CCNL2: variants seen among roughly 807,000 people sequenced by gnomAD.
CCNL2 encodes the protein cyclin-L2.
CCNL2 carries 28 observed loss-of-function variants against 59.1 expected under a neutral mutation model. That is an observed-to-expected ratio of 0.47 (90% CI 0.35 to 0.65). The LOEUF (loss-of-function observed/expected upper bound fraction) is 0.65, where lower values mean the gene tolerates loss of function less well. CCNL2 is among the 30% of genes least tolerant of loss of function. The pLI, the probability that CCNL2 is intolerant of heterozygous loss-of-function variation, is 0.00. For missense variants in CCNL2, 714 were observed against 717.4 expected, an observed-to-expected ratio of 1.00 and a Z score of 0.05; for synonymous variants, 342 against 288.6, an observed-to-expected ratio of 1.19 and a Z score of -1.88.
At chr1:1,396,746 ATT>A in intron 3 of CCNL2, among the ~76,000 whole-genome samples, 1 of 139,726 alleles carries the variant, frequency 7.2e-6, no homozygotes, top group South Asian at 2.3e-4. Flanking sequence ...CACCCGGCTA[ATT>A]TTTTTTTTAT....
intron 3 of CCNL2, among the ~76,000 whole-genome samples, chr1:1,397,321 G>A (rs1280617515): frequency 6.6e-6 from 1 of 152,078 alleles, no homozygotes. Flanking sequence ...TGGAAACAGG[G>A]CCTCACCCTG....
Position 1,395,381 on chromosome 1 carries a change from G to A in CCNL2, c.594+13C>T. On this transcript the variant is annotated intron_variant, in intron 4 of 10. Coordinates refer to ENST00000400809, the MANE Select transcript of CCNL2 (RefSeq NM_030937.6). Reference sequence around the variant, plus strand: ...GCCTAGGCGGGCTCGCAGGGCAGGAGCCGCACACCCACCTTATGAGGATGC... The same window carrying A: ...GCCTAGGCGGGCTCGCAGGGCAGGAACCGCACACCCACCTTATGAGGATGC... The A allele has an allele frequency of 1.2e-6, 2 of 1,613,892 alleles. No homozygotes were observed. Among genetic ancestry groups the A allele is most frequent in the Non-Finnish European group, 1.7e-6 (2 of 1,179,904 alleles).
In CCNL2 at chr1:1,391,099, A is replaced by G. The variant is rs546811734; in HGVS notation, c.660-234T>C. 24 of 1,229,104 alleles carry G rather than the reference A, an allele frequency of 2.0e-5. No homozygotes were observed. In the South Asian group the frequency reaches 5.7e-4, roughly 29 times the overall value. The allele number at this position is 1,229,104 out of a possible 1,614,324, so 76.1% of individuals were successfully genotyped here. A position where few individuals can be genotyped will look rare whatever the true frequency, so the allele number is the denominator to read the frequency against. ...AGGCACAGAAATTATTAGAAAAAAA[A>G]AAAGCTGGCTGAATGTCAGACAATA... On this transcript the variant is annotated intron_variant, in intron 5 of 10. Transcript: ENST00000400809.
chr1:1,395,364 G>A (rs774191578), intron 4 of CCNL2, 30 bp downstream of exon 4: 23 of 1,612,322 alleles, frequency 1.4e-5, no homozygotes, highest in South Asian at 4.4e-5. Context: ...CGGCCTAGGC[G>A]GGCTCGCAGG....
intron 5 of CCNL2, chr1:1,392,092 C>T (rs578191919): frequency 9.7e-4 from 164 of 168,680 alleles, no homozygotes; most frequent in African/African-American, 3.7e-3. Context: ...CTGGAAGCAG[C>T]TCCAGGCATC....
In CCNL2 at chr1:1,387,472, G is replaced by C; in HGVS notation, c.1322C>G (p.Ser441Cys). 2 of 1,612,760 alleles carry C rather than the reference G, an allele frequency of 1.2e-6. No individual in the cohort carries two copies. Among genetic ancestry groups the C allele is most frequent in the Non-Finnish European group, 1.7e-6 (2 of 1,179,684 alleles). ...QAPRSAPYKG[S>C]EIRGSRKSKD... Reference sequence around the variant, plus strand: ...GGACTTCCGGGAGCCCCGAATCTCAGAGCCTTTGTAGGGAGCGCTGCGGGG... The same window carrying C: ...GGACTTCCGGGAGCCCCGAATCTCACAGCCTTTGTAGGGAGCGCTGCGGGG... Residue 441 changes from serine (S) to cysteine (C), a missense_variant, in exon 11 of 11, where the codon TCT becomes TGT. Physicochemically the swap from Ser to Cys is moderately radical, Grantham distance 112 (BLOSUM62 -1). Around this residue, in one of 5 missense-constraint regions of CCNL2, gnomAD observed 403 missense variants for 377.7 expected, o/e 1.07. Coordinates refer to ENST00000400809, the MANE Select transcript of CCNL2 (RefSeq NM_030937.6).
chr1:1,395,951 C>A (rs1240745), intron 3 of CCNL2, among the ~76,000 whole-genome samples: 15 of 151,804 alleles, frequency 9.9e-5, no homozygotes, highest in African/African-American at 3.6e-4. Context: ...GCGAGGCAGG[C>A]AGACTGCCTG....
At chr1:1,388,196 A>G (rs562905655) in intron 8 of CCNL2, 131 bp from the exon 9 acceptor site, 2 of 698,836 alleles carry the variant, frequency 2.9e-6, no homozygotes, top group South Asian at 3.4e-5. Flanking sequence ...TCCGGCTCCC[A>G]GCTGGGACCC....
At chr1:1,393,898 G>A (rs1359473982) in intron 4 of CCNL2, among the ~76,000 whole-genome samples, 5 of 152,018 alleles carry the variant, frequency 3.3e-5, no homozygotes, top group African/African-American at 4.8e-5. Flanking sequence ...AGGCTGAGGC[G>A]GGCAGATCAC....
In CCNL2 at chr1:1,393,441, T is replaced by A; in HGVS notation, c.614A>T (p.Gln205Leu). The A allele has an allele frequency of 6.2e-7, 1 of 1,614,060 alleles. No individual in the cohort carries two copies. The highest frequency in any genetic ancestry group is 8.5e-7 in the Non-Finnish European group (1 of 1,179,906). ...TTGGTTACGCTCACACTCTAACACC[T>A]GAAGGTACATAACGATTATCTGGAA... ...HPHKIIVMYL[Q>L]VLECERNQHL... The change falls in exon 5 of 11, where the codon CAG becomes CTG. Residue 205 changes from glutamine to leucine, a missense_variant. By Grantham distance (113) the Gln-to-Leu change is moderately radical (BLOSUM62 -2). Around this residue, in one of 5 missense-constraint regions of CCNL2, gnomAD observed 19 missense variants for 20.1 expected, o/e 0.94. Coordinates refer to ENST00000400809, the MANE Select transcript of CCNL2 (RefSeq NM_030937.6).
At chr1:1,394,752 G>GAAAAA (rs745453245) in intron 4 of CCNL2, among the ~76,000 whole-genome samples, 5 of 42,784 alleles carry the variant, frequency 1.2e-4, no homozygotes, top group Non-Finnish European at 2.6e-4. Context: ...TCCGTCTCAA[G>GAAAAA]AAAAAAAAAA....
intron 3 of CCNL2, among the ~76,000 whole-genome samples, chr1:1,397,855 T>C (rs921361210): frequency 1.3e-5 from 2 of 152,100 alleles, no homozygotes; most frequent in African/African-American, 4.8e-5. Context: ...ACAGGAAACC[T>C]GTCTCAGGAG....
In CCNL2 at chr1:1,387,161, G is replaced by A; in HGVS notation, c.*70C>T. On this transcript the variant is annotated 3_prime_UTR_variant, in exon 11 of 11. Coordinates refer to ENST00000400809, the MANE Select transcript of CCNL2 (RefSeq NM_030937.6). ...CCCGGGGGTCAAAGGGCAGCCACCG[G>A]GGGTCAAAGGGCAGCCATCAGGTAC... 7.6e-7 allele frequency: 1 copy of A among 1,317,148 alleles called. No individual in the cohort carries two copies. 81.6% of individuals were successfully genotyped at this position (1,317,148 alleles called of 1,614,324 possible).
chr1:1,395,680 C>G, intron 3 of CCNL2, 166 bp from the exon 4 acceptor site: 3 of 920,952 alleles, frequency 3.3e-6, no homozygotes, highest in South Asian at 3.2e-5. Flanking sequence ...CTCCCCACAG[C>G]CCAGTGCCAA....
At chr1:1,395,310 CT>C (rs1644958099) in intron 4 of CCNL2, 83 bp downstream of exon 4, 2 of 1,505,370 alleles carry the variant, frequency 1.3e-6, no homozygotes, top group East Asian at 4.6e-5. Flanking sequence ...TCTTCAGAGC[CT>C]TCAACTGCAC....
intron 4 of CCNL2, among the ~76,000 whole-genome samples, chr1:1,394,041 G>A (rs35035339): frequency 0.1 from 15,451 of 151,448 alleles, 1,139 homozygotes; most frequent in South Asian, 0.26. Flanking sequence ...CAGGAGAATC[G>A]CTTGAAACCA....
chr1:1,390,714 C>T, intron 6 of CCNL2, 52 bp downstream of exon 6: 1 of 1,560,952 alleles, frequency 6.4e-7, no homozygotes, highest in Non-Finnish European at 8.8e-7. Flanking sequence ...TTACTGGAGG[C>T]TGGAGAAAAA....
Position 1,399,276 on chromosome 1 carries a change from C to T in CCNL2, c.31G>A (p.Ala11Thr). 1.3e-6 allele frequency: 2 copies of T among 1,496,346 alleles called. No homozygotes were observed. The highest frequency in any genetic ancestry group is 1.8e-6 in the Non-Finnish European group (2 of 1,131,604). The allele number at this position is 1,496,346 out of a possible 1,614,324, so 92.7% of individuals were successfully genotyped here. Residue 11 changes from alanine (A) to threonine (T), a missense_variant, in exon 1 of 11, where the codon GCA becomes ACA. Coordinates refer to ENST00000400809, the MANE Select transcript of CCNL2 (RefSeq NM_030937.6). ...GCTGCCGCGGGAGCTGCCGACCCTG[C>T]AGCACCAGCCGCCGCCGCCGCCGCC... The part of the protein sequence containing the change: MAAAAAAAGA[A>T]GSAAPAAAAG...
At position 1,388,565 on chromosome 1, in the gene CCNL2, G is replaced by GTCTC. The variant is rs70949586; in HGVS notation, c.1007-504_1007-501dup. On this transcript the variant is annotated intron_variant, in intron 8 of 10. Transcript: ENST00000400809. Reference sequence around the variant, plus strand: ...AAAACCCCAAAACATGTGAGTGTGTGTCTCTCTCTCTCTCTCTCTATATAT... The same window carrying GTCTC: ...AAAACCCCAAAACATGTGAGTGTGTGTCTCTCTCTCTCTCTCTCTCTCTATATAT... The GTCTC allele has an allele frequency of 2.6e-4, 98 of 382,520 alleles. No homozygotes were observed. The East Asian group carries it at 3.6e-3, about 14-fold the overall frequency. 23.7% of individuals were successfully genotyped at this position (382,520 alleles called of 1,614,324 possible). A position where few individuals can be genotyped will look rare whatever the true frequency, so the allele number is the denominator to read the frequency against.
Sources: allele counts gnomAD v4.1 joint callset (sites outside exome capture counted in the v4.1 genomes callset), GRCh38; gene constraint gnomAD v4.1.1; regional missense constraint gnomAD v4.1.1; transcripts MANE v1.5; gene names NCBI Gene and HGNC (gene_info 2026-07-23, HGNC 2026-07-21).